The following PPP1R16B variants were observed in gnomAD, a reference collection of about 807,000 sequenced individuals.
PPP1R16B encodes the protein protein phosphatase 1 regulatory inhibitor subunit 16B.
In PPP1R16B, 14 loss-of-function variants were observed where a neutral mutation model predicts 61.7. That is an observed-to-expected ratio of 0.23 (90% CI 0.15 to 0.35). PPP1R16B has a LOEUF of 0.35. Among genes scored for constraint, PPP1R16B ranks in the 10% least tolerant of loss-of-function variants. The probability of loss-of-function intolerance (pLI) is 1.00; values close to 1 mark genes in which losing one functional copy is unlikely to be tolerated. For missense variants in PPP1R16B, 547 were observed against 752.5 expected (o/e 0.73, Z 3.19); for synonymous variants, 266 against 305.3 (o/e 0.87, Z 1.34).
At chr20:38,870,806 A>C (rs1368690221) in intron 2 of PPP1R16B, among the ~76,000 whole-genome samples, 1 of 152,052 alleles carries the variant, frequency 6.6e-6, no homozygotes, top group Non-Finnish European at 1.5e-5. Flanking sequence ...CTCGGCTGGG[A>C]TATTGTGGCT....
chr20:38,838,590 G>C (rs1004390359), intron 2 of PPP1R16B: 1 of 152,336 alleles, frequency 6.6e-6, no homozygotes, highest in Non-Finnish European at 1.5e-5. Context: ...CGTGCAGTTT[G>C]CCAAGTGATG....
intron 2 of PPP1R16B, among the ~76,000 whole-genome samples, chr20:38,879,212 C>A (rs1013842264): frequency 7.2e-5 from 11 of 151,962 alleles, no homozygotes; most frequent in Non-Finnish European, 8.8e-5. Context: ...TAAGGGGGAC[C>A]CTTGCCTTCA....
intron 10 of PPP1R16B, 135 bp downstream of exon 10, chr20:38,908,328 A>G: frequency 9.0e-7 from 1 of 1,115,226 alleles, no homozygotes; most frequent in Admixed American, 2.5e-5. Context: ...TAGCATATCC[A>G]GTCTGATGAT....
At chr20:38,842,158 C>A (rs2084912518) in intron 2 of PPP1R16B, among the ~76,000 whole-genome samples, 1 of 152,184 alleles carries the variant, frequency 6.6e-6, no homozygotes, top group Admixed American at 6.5e-5. Flanking sequence ...AGATCAGTTT[C>A]TCCGAAGCCC....
intron 2 of PPP1R16B, among the ~76,000 whole-genome samples, chr20:38,860,981 GT>G (rs1230702152): frequency 6.6e-6 from 1 of 152,122 alleles, no homozygotes; most frequent in African/African-American, 2.4e-5. Flanking sequence ...GGGAGTATCC[GT>G]GTTCTCCTCC....
intron 1 of PPP1R16B, among the ~76,000 whole-genome samples, chr20:38,823,815 G>T (rs2084787507): frequency 6.6e-6 from 1 of 152,136 alleles, no homozygotes; most frequent in African/African-American, 2.4e-5. Context: ...AGTAAGGGAA[G>T]TTATGACTTT....
At chr20:38,855,986 A>AGGAGGAGGAGGAGGG (rs2085006582) in intron 2 of PPP1R16B, among the ~76,000 whole-genome samples, 1 of 118,580 alleles carries the variant, frequency 8.4e-6, no homozygotes, top group African/African-American at 3.3e-5. Context: ...AGAGAGAAGG[A>AGGAGGAGGAGGAGGG]GGAGGAGAGA....
intron 2 of PPP1R16B, among the ~76,000 whole-genome samples, chr20:38,888,922 CACACA>C (rs1373322856): frequency 6.5e-4 from 97 of 149,946 alleles, no homozygotes; most frequent in African/African-American, 2.2e-3. Context: ...CACACACACA[CACACA>C]CCCCTAGACA....
At chr20:38,856,894 A>G (rs1017810604) in intron 2 of PPP1R16B, among the ~76,000 whole-genome samples, 1 of 152,186 alleles carries the variant, frequency 6.6e-6, no homozygotes, top group Non-Finnish European at 1.5e-5. Context: ...TTCTCCTTCA[A>G]AAGCTCACCC....
intron 1 of PPP1R16B, among the ~76,000 whole-genome samples, chr20:38,834,002 A>G (rs758476826): frequency 6.6e-6 from 1 of 152,162 alleles, no homozygotes; most frequent in Non-Finnish European, 1.5e-5. Context: ...ACAGTGGACC[A>G]CATCACACAG....
chr20:38,858,618 G>A (rs1347411835), intron 2 of PPP1R16B, among the ~76,000 whole-genome samples: 1 of 151,588 alleles, frequency 6.6e-6, no homozygotes, highest in Non-Finnish European at 1.5e-5. Flanking sequence ...ATGCTCTTCT[G>A]GCAATGAGAT....
Position 38,895,720 on chromosome 20 carries a change from C to T in PPP1R16B, c.467+10C>T. 2 of 1,613,310 alleles carry T rather than the reference C, an allele frequency of 1.2e-6. No homozygotes were observed. Among genetic ancestry groups the T allele is most frequent in the Non-Finnish European group, 1.7e-6 (2 of 1,179,482 alleles). ...AGATCCTCGTTCAGTAGTACGTGCC[C>T]CTCCCTGCCCCAGAGCAGCCTCCCT... On this transcript the variant is annotated intron_variant, in intron 4 of 10. Transcript: ENST00000299824.
rs544072305 is a variant in PPP1R16B, at chr20:38,813,776, T to C, written c.-102+7984T>C. On this transcript the variant is annotated intron_variant, in intron 1 of 10. Coordinates refer to ENST00000299824, the MANE Select transcript of PPP1R16B (RefSeq NM_015568.4). ...ACATCATCATCATCATCATTATTATTATTATTATTATTATTATTATTATTA... is the reference window on the plus strand; with the variant it reads ...ACATCATCATCATCATCATTATTATCATTATTATTATTATTATTATTATTA... Among the ~76,000 whole-genome samples, 1,029 of 136,954 alleles carry C rather than the reference T, an allele frequency of 7.5e-3. 13 individuals are homozygous for C. Among genetic ancestry groups the C allele is most frequent in the African/African-American group, 0.027 (919 of 34,608 alleles). 89.8% of individuals were successfully genotyped at this position (136,954 alleles called of 152,430 possible).
intron 2 of PPP1R16B, among the ~76,000 whole-genome samples, chr20:38,875,436 G>A (rs1437675614): frequency 1.3e-5 from 2 of 152,246 alleles, no homozygotes; most frequent in African/African-American, 2.4e-5. Context: ...GAAGTCACAG[G>A]AGATTGTGCA....
intron 2 of PPP1R16B, among the ~76,000 whole-genome samples, chr20:38,852,767 T>TTTTTG (rs2084977606): frequency 3.9e-5 from 4 of 103,262 alleles, no homozygotes; most frequent in African/African-American, 7.5e-5. Context: ...TTTTTTTTTT[T>TTTTTG]TGCGGGGGGT....
chr20:38,831,822 T>A (rs963932326), intron 1 of PPP1R16B, among the ~76,000 whole-genome samples: 1 of 152,258 alleles, frequency 6.6e-6, no homozygotes, highest in African/African-American at 2.4e-5. Context: ...ACAAACACGA[T>A]GTGGATCACA....
intron 3 of PPP1R16B, among the ~76,000 whole-genome samples, chr20:38,894,891 G>A (rs1048700122): frequency 1.3e-5 from 2 of 152,172 alleles, no homozygotes; most frequent in Non-Finnish European, 2.9e-5. Context: ...GCTGCCCCAC[G>A]TGCCATCACT....
chr20:38,860,053 A>C (rs953705137), intron 2 of PPP1R16B, among the ~76,000 whole-genome samples: 1 of 152,170 alleles, frequency 6.6e-6, no homozygotes, highest in Non-Finnish European at 1.5e-5. Flanking sequence ...GGCTCACTGC[A>C]ACCTCCACCT....
At chr20:38,826,626 C>T (rs909865) in intron 1 of PPP1R16B, among the ~76,000 whole-genome samples, 110,655 of 152,160 alleles carry the variant, frequency 0.73, 40,425 homozygotes, top group African/African-American at 0.78. Flanking sequence ...CATCAATCAG[C>T]ACCTGCTTAA....
Sources: allele counts gnomAD v4.1 joint callset (sites outside exome capture counted in the v4.1 genomes callset), GRCh38; gene constraint gnomAD v4.1.1; transcripts MANE v1.5; gene names NCBI Gene and HGNC (gene_info 2026-07-23, HGNC 2026-07-21).